The following ANXA7 variants were observed in gnomAD, a reference collection of about 807,000 sequenced individuals.
ANXA7 encodes the protein annexin VII.
In ANXA7, 55 loss-of-function variants were observed where a neutral mutation model predicts 64.9. The ratio of observed to expected loss-of-function variants is 0.85; its 90% CI spans 0.68 to 1.06. ANXA7 has a LOEUF of 1.06. Ranked by LOEUF, ANXA7 falls within the 50% of genes least tolerant of loss-of-function variation. The pLI is 0.00. For synonymous variants in ANXA7, 200 were observed against 192.4 expected (o/e 1.04, Z -0.33); for missense variants, 548 against 582.1 (o/e 0.94, Z 0.60).
chr10:73,397,123 A>G, intron 4 of ANXA7, 41 bp downstream of exon 4: 1 of 1,175,980 alleles, frequency 8.5e-7, no homozygotes, highest in Non-Finnish European at 1.2e-6. Context: ...AAAAACTCAA[A>G]ATATCATGAT....
intron 6 of ANXA7, 74 bp downstream of exon 6, chr10:73,388,238 G>C (rs1343529387): frequency 1.8e-6 from 2 of 1,119,538 alleles, no homozygotes; most frequent in Non-Finnish European, 2.7e-6. Flanking sequence ...TTGGGTTTAT[G>C]AGATAAGGTT....
chr10:73,406,340 T>C (rs1435241733), intron 1 of ANXA7, among the ~76,000 whole-genome samples: 1 of 152,210 alleles, frequency 6.6e-6, no homozygotes, highest in East Asian at 1.9e-4. Context: ...CCAAGTTTCA[T>C]CACTTGATGC....
At chr10:73,382,628 G>A (rs2055293595) in intron 9 of ANXA7, among the ~76,000 whole-genome samples, 1 of 152,218 alleles carries the variant, frequency 6.6e-6, no homozygotes, top group African/African-American at 2.4e-5. Flanking sequence ...TTACAGGTGT[G>A]AGGCACAATG....
At chr10:73,396,131 A>G (rs1039533855) in intron 5 of ANXA7, 3 of 1,509,470 alleles carry the variant, frequency 2.0e-6, no homozygotes, top group Non-Finnish European at 2.8e-6. Context: ...GTGAAAAGTT[A>G]TAAAGGTAAA....
At chr10:73,392,898 G>C (rs911379859) in intron 5 of ANXA7, among the ~76,000 whole-genome samples, 2 of 152,128 alleles carry the variant, frequency 1.3e-5, no homozygotes, top group Non-Finnish European at 2.9e-5. Context: ...ATTAGGAAAA[G>C]AGGAAGTCAA....
chr10:73,388,386 C>G lies in ANXA7; in HGVS notation c.464G>C (p.Gly155Ala), dbSNP rs747971639. Residue 155 changes from glycine (G) to alanine (A), a missense_variant, in exon 6 of 13, where the codon GGA becomes GCA. Physicochemically the swap from Gly to Ala is moderately conservative, Grantham distance 60. Coordinates refer to ENST00000372921, the MANE Select transcript of ANXA7 (RefSeq NM_001156.5). ...QPATVTQVTQ[G>A]TIRPAANFDA... The stretch of plus-strand genomic sequence containing the variant: ...GAAGTTGGCAGCTGGTCGGATAGTT[C>G]CTTGAGTGACCTGAGTCACTGTGGC... 5 of 1,613,758 alleles carry G rather than the reference C, an allele frequency of 3.1e-6. No individual in the cohort carries two copies. The highest frequency in any genetic ancestry group is 4.2e-6 in the Non-Finnish European group (5 of 1,179,760).
At chr10:73,404,707 C>T (rs1011168776) in intron 1 of ANXA7, among the ~76,000 whole-genome samples, 2 of 139,134 alleles carry the variant, frequency 1.4e-5, no homozygotes, top group South Asian at 4.4e-4. Flanking sequence ...GACAAATATC[C>T]CTATATATAT....
At chr10:73,387,835 C>A in intron 6 of ANXA7, 52 bp from the exon 7 acceptor site, 1 of 968,122 alleles carries the variant, frequency 1.0e-6, no homozygotes, top group Non-Finnish European at 1.6e-6. Context: ...CTAGGTGCTG[C>A]TTGAGGTCAT....
At chr10:73,379,335 T>C (rs1434211777) in intron 11 of ANXA7, among the ~76,000 whole-genome samples, 5 of 152,286 alleles carry the variant, frequency 3.3e-5, no homozygotes, top group African/African-American at 1.2e-4. Flanking sequence ...GGCCCAACAT[T>C]CCATTGTTAA....
In ANXA7 at chr10:73,375,857, A is replaced by G. The variant is rs2055160634; in HGVS notation, c.*238T>C. The G allele has an allele frequency of 3.4e-6, 1 of 291,508 alleles. No homozygotes were observed. The highest frequency in any genetic ancestry group is 2.2e-5 in the African/African-American group (1 of 45,968). 18.1% of individuals were successfully genotyped at this position (291,508 alleles called of 1,614,324 possible). A position where few individuals can be genotyped will look rare whatever the true frequency, so the allele number is the denominator to read the frequency against. On this transcript the variant is annotated 3_prime_UTR_variant, in exon 13 of 13. Transcript: ENST00000372921. ...CTAGTAAGAATGAAGGTTTACAAAC[A>G]TTGCAATATTACTGTATCATTGTGA...
chr10:73,392,754 G>A (rs893123514), intron 5 of ANXA7, among the ~76,000 whole-genome samples: 1 of 152,174 alleles, frequency 6.6e-6, no homozygotes, highest in African/African-American at 2.4e-5. Flanking sequence ...CATACTGAAT[G>A]GGCAAAAACT....
chr10:73,398,888 G>A (rs895928123), intron 2 of ANXA7, among the ~76,000 whole-genome samples: 2 of 152,206 alleles, frequency 1.3e-5, no homozygotes, highest in African/African-American at 4.8e-5. Context: ...GCAATATGCA[G>A]AGTGGCAGAG....
chr10:73,404,708 CTATATA>C (rs59482006), intron 1 of ANXA7, among the ~76,000 whole-genome samples: 5,665 of 143,876 alleles, frequency 0.039, 358 homozygotes, highest in African/African-American at 0.13. Flanking sequence ...ACAAATATCC[CTATATA>C]TATATATATA....
chr10:73,403,612 A>G (rs144875419), intron 1 of ANXA7, among the ~76,000 whole-genome samples: 48 of 152,370 alleles, frequency 3.2e-4, no homozygotes, highest in African/African-American at 8.9e-4. Context: ...CAGTCTTGCA[A>G]TGAACAGCCA....
Position 73,400,926 on chromosome 10 carries a change from G to A in ANXA7, c.-1-69C>T. On this transcript the variant is annotated intron_variant, in intron 1 of 12. Transcript: ENST00000372921. ...TTTGTTTTGTTTTGTTTTGTTTTTT[G>A]AGACGGAGTCTCACTCTGTCACCAG... The A allele has an allele frequency of 2.2e-6, 3 of 1,391,828 alleles. No homozygotes were observed. In the Admixed American group the frequency reaches 5.9e-5, roughly 27 times the overall value. The allele number at this position is 1,391,828 out of a possible 1,614,324, so 86.2% of individuals were successfully genotyped here. A position where few individuals can be genotyped will look rare whatever the true frequency, so the allele number is the denominator to read the frequency against.
intron 9 of ANXA7, among the ~76,000 whole-genome samples, chr10:73,381,907 T>A (rs1452677041): frequency 1.3e-5 from 2 of 151,992 alleles, no homozygotes; most frequent in Non-Finnish European, 2.9e-5. Context: ...AGATGGAGTT[T>A]TGCTCTTGTT....
intron 9 of ANXA7, among the ~76,000 whole-genome samples, chr10:73,381,016 A>G (rs1443734061): frequency 2.6e-5 from 4 of 151,970 alleles, no homozygotes; most frequent in Non-Finnish European, 4.4e-5. Flanking sequence ...AGGCTTCATA[A>G]ACTTTCTTTT....
chr10:73,385,282 G>A (rs949842930), intron 7 of ANXA7, among the ~76,000 whole-genome samples: 4 of 152,148 alleles, frequency 2.6e-5, no homozygotes, highest in Admixed American at 6.6e-5. Context: ...CAAGAAAATG[G>A]CACTGATGTA....
intron 7 of ANXA7, among the ~76,000 whole-genome samples, chr10:73,386,269 T>C (rs1220097462): frequency 6.6e-6 from 1 of 151,414 alleles, no homozygotes; most frequent in Non-Finnish European, 1.5e-5. Context: ...CCATTACATC[T>C]GAGGAACAAT....
Sources: gnomAD v4.1 joint callset for allele counts (sites outside exome capture counted in the v4.1 genomes callset) on GRCh38, gnomAD v4.1.1 for gene constraint, MANE v1.5 for transcripts, NCBI Gene and HGNC (gene_info 2026-07-23, HGNC 2026-07-21) for gene names.